The following ADGRV1 variants were observed in gnomAD, a reference collection of about 807,000 sequenced individuals.
The protein encoded by ADGRV1 is G-protein coupled receptor 98.
A neutral mutation model predicts 596.2 loss-of-function variants in ADGRV1; 359 were observed. That is an observed-to-expected ratio of 0.60 (90% CI 0.55 to 0.66). The LOEUF (loss-of-function observed/expected upper bound fraction) is 0.66. Ranked by LOEUF, ADGRV1 falls within the 30% of genes least tolerant of loss-of-function variation. The probability of loss-of-function intolerance (pLI) is 0.00; values close to 1 mark genes in which losing one functional copy is unlikely to be tolerated. For synonymous variants in ADGRV1, 2,681 were observed against 2,679.2 expected, an observed-to-expected ratio of 1.00 and a Z score of -0.02; for missense variants, 7,274 against 7,575.6, an observed-to-expected ratio of 0.96 and a Z score of 1.48.
chr5:90,856,008 A>T lies in ADGRV1; in HGVS notation c.17755+107A>T, dbSNP rs920864607. ...GCAAGATGCAAACATACCGTAATTCATCAGCACTAGAAGAATACAAATTTT... is the reference window on the plus strand; with the variant it reads ...GCAAGATGCAAACATACCGTAATTCTTCAGCACTAGAAGAATACAAATTTT... On this transcript the variant is annotated intron_variant, in intron 82 of 89. Transcript: ENST00000405460. The T allele has an allele frequency of 1.5e-5, 13 of 892,988 alleles. No homozygotes were observed. In the Admixed American group the frequency reaches 2.8e-4, roughly 19 times the overall value. 55.3% of individuals were successfully genotyped at this position (892,988 alleles called of 1,614,324 possible). A position where few individuals can be genotyped will look rare whatever the true frequency, so the allele number is the denominator to read the frequency against.
chr5:90,827,994 G>A (rs1433175464), intron 76 of ADGRV1, among the ~76,000 whole-genome samples: 2 of 152,142 alleles, frequency 1.3e-5, no homozygotes, highest in Non-Finnish European at 2.9e-5. Context: ...AAAGGCATCA[G>A]CTTAGCTCCT....
chr5:91,160,754 C>T (rs1796875333), intron 89 of ADGRV1, among the ~76,000 whole-genome samples: 1 of 152,116 alleles, frequency 6.6e-6, no homozygotes, highest in Non-Finnish European at 1.5e-5. Flanking sequence ...CTGGTTTGTG[C>T]TCCCAGGTCT....
At chr5:90,678,591 C>G (rs971163473) in intron 25 of ADGRV1, among the ~76,000 whole-genome samples, 26 of 146,116 alleles carry the variant, frequency 1.8e-4, no homozygotes, top group Admixed American at 7.0e-5. Context: ...CTGGAAAGTC[C>G]AAGACTGGGG....
At chr5:90,784,218 A>G (rs1759181956) in intron 67 of ADGRV1, among the ~76,000 whole-genome samples, 161 bp downstream of exon 67, 1 of 152,194 alleles carries the variant, frequency 6.6e-6, no homozygotes, top group Non-Finnish European at 1.5e-5. Flanking sequence ...TTAAGTACAT[A>G]AAAATGTATA....
At chr5:90,691,239 T>A in intron 31 of ADGRV1, 198 bp downstream of exon 31, 1 of 697,990 alleles carries the variant, frequency 1.4e-6, no homozygotes, top group Non-Finnish European at 2.5e-6. Context: ...TGTATACATA[T>A]GCCAGTTTAC....
chr5:90,936,660 T>A (rs1775721070), intron 83 of ADGRV1, among the ~76,000 whole-genome samples: 1 of 152,088 alleles, frequency 6.6e-6, no homozygotes, highest in South Asian at 2.1e-4. Context: ...GTTTTGTAGA[T>A]ACAATTAAGT....
At chr5:90,967,030 A>G (rs1057144166) in intron 84 of ADGRV1, among the ~76,000 whole-genome samples, 4 of 152,176 alleles carry the variant, frequency 2.6e-5, no homozygotes, top group East Asian at 1.9e-4. Context: ...AAAAGGAGAA[A>G]GAAAGTGAGG....
At chr5:90,723,683 A>G (rs1751381103) in intron 45 of ADGRV1, among the ~76,000 whole-genome samples, 1 of 152,198 alleles carries the variant, frequency 6.6e-6, no homozygotes, top group Non-Finnish European at 1.5e-5. Flanking sequence ...GGAAATTGCT[A>G]TTGGATATTA....
At position 90,720,082 on chromosome 5, in the gene ADGRV1, C is replaced by G; in HGVS notation, c.9482C>G (p.Pro3161Arg). ...ATATCTGCCATATTAGACACGGAAC[C>G]AGAAATGGATGAGTATTTTGTTTGC... ...LQISAILDTE[P>R]EMDEYFVCTL... The change falls in exon 44 of 90, where the codon CCA (proline) becomes CGA (arginine). Residue 3161 changes from proline (P) to arginine (R), a missense_variant. By Grantham distance (103) the Pro-to-Arg change is moderately radical. Transcript: ENST00000405460. 1 of 1,613,688 alleles carries G rather than the reference C, an allele frequency of 6.2e-7. No individual in the cohort carries two copies. Among genetic ancestry groups the G allele is most frequent in the Non-Finnish European group, 8.5e-7 (1 of 1,179,670 alleles).
chr5:90,850,477 T>G (rs1254814347), intron 79 of ADGRV1, among the ~76,000 whole-genome samples: 1 of 152,324 alleles, frequency 6.6e-6, no homozygotes, highest in African/African-American at 2.4e-5. Context: ...CAGAAACCTC[T>G]GAAATGGATC....
intron 83 of ADGRV1, among the ~76,000 whole-genome samples, chr5:90,894,827 A>G (rs929133551): frequency 6.6e-6 from 1 of 152,228 alleles, no homozygotes; most frequent in Non-Finnish European, 1.5e-5. Context: ...ATTAAGAAGC[A>G]ATGTCTTGTT....
intron 83 of ADGRV1, among the ~76,000 whole-genome samples, chr5:90,891,681 G>A (rs1770837447): frequency 6.6e-6 from 1 of 151,582 alleles, no homozygotes; most frequent in Non-Finnish European, 1.5e-5. Context: ...ATTTTACTTG[G>A]CTATAGCATA....
chr5:90,672,550 C>T lies in ADGRV1; in HGVS notation c.4757C>T (p.Ala1586Val), dbSNP rs745705735. ...ATAATTTACATTCAATTTCAGATTG[C>T]AGAGGAGGGATCAACCATTTCTTGT... is the stretch of plus-strand genomic sequence containing the variant. ...GFTGACIPEIAEEGSTISCVV... is the reference protein window; with the variant it reads ...GFTGACIPEIVEEGSTISCVV... Residue 1586 changes from alanine (A) to valine (V), a missense_variant, in exon 22 of 90, where the codon GCA (alanine) becomes GTA (valine). Ala to Val is a moderately conservative substitution (Grantham distance 64, BLOSUM62 0). This residue lies in a region of ADGRV1 where 3,643 missense variants were observed against 3,809.2 expected (regional missense o/e 0.96). Transcript: ENST00000405460. 3 of 1,612,340 alleles carry T rather than the reference C, an allele frequency of 1.9e-6. No individual in the cohort carries two copies. Among genetic ancestry groups the T allele is most frequent in the Non-Finnish European group, 2.5e-6 (3 of 1,178,906 alleles).
At position 91,101,912 on chromosome 5, in the gene ADGRV1, A is replaced by G. The variant is rs6859589; in HGVS notation, c.18311-307A>G. 0.017 allele frequency among the ~76,000 whole-genome samples: 2,621 copies of G among 152,236 alleles called. 66 individuals are homozygous for G. Among genetic ancestry groups the G allele is most frequent in the African/African-American group, 0.059 (2,437 of 41,540 alleles). Reference sequence around the variant, plus strand: ...CCATTTTCTGGTGGAACAGTCTTTTAAGGAGATTTCTACAAATCCATTGTT... The same window carrying G: ...CCATTTTCTGGTGGAACAGTCTTTTGAGGAGATTTCTACAAATCCATTGTT... On this transcript the variant is annotated intron_variant, in intron 86 of 89. Transcript: ENST00000405460.
chr5:90,823,187 G>T (rs1763750106), intron 75 of ADGRV1, among the ~76,000 whole-genome samples: 1 of 152,092 alleles, frequency 6.6e-6, no homozygotes, highest in Non-Finnish European at 1.5e-5. Flanking sequence ...CTTATTCATT[G>T]TTGAATGGAG....
chr5:90,897,862 G>A (rs997810718), intron 83 of ADGRV1, among the ~76,000 whole-genome samples: 1 of 152,168 alleles, frequency 6.6e-6, no homozygotes, highest in African/African-American at 2.4e-5. Context: ...GGGAATTGCA[G>A]ATTTGGTGAA....
chr5:91,139,584 T>C (rs138610402), intron 87 of ADGRV1, among the ~76,000 whole-genome samples: 1 of 152,330 alleles, frequency 6.6e-6, no homozygotes, highest in East Asian at 1.9e-4. Context: ...AATTGTGTGC[T>C]ATATAGTCTT....
At chr5:91,098,634 T>A (rs1236121420) in intron 86 of ADGRV1, among the ~76,000 whole-genome samples, 1 of 152,174 alleles carries the variant, frequency 6.6e-6, no homozygotes, top group Non-Finnish European at 1.5e-5. Flanking sequence ...GCTTTTTCCT[T>A]ACGGAGTTTC....
intron 50 of ADGRV1, among the ~76,000 whole-genome samples, chr5:90,731,424 T>G (rs528759320): frequency 1.3e-5 from 2 of 152,256 alleles, no homozygotes; most frequent in African/African-American, 4.8e-5. Context: ...AGATTTGGGT[T>G]GGGACACAGA....
Sources: gnomAD v4.1 joint callset for allele counts (sites outside exome capture counted in the v4.1 genomes callset) on GRCh38, gnomAD v4.1.1 for gene constraint, gnomAD v4.1.1 regional missense constraint, MANE v1.5 for transcripts, NCBI Gene and HGNC (gene_info 2026-07-23, HGNC 2026-07-21) for gene names.